RPS6KA2: variants seen among roughly 807,000 people sequenced by gnomAD.
The protein encoded by RPS6KA2 is ribosomal protein S6 kinase alpha-2.
RPS6KA2 carries 42 observed loss-of-function variants against 91.8 expected under a neutral mutation model. The observed-to-expected ratio is 0.46, with a 90% confidence interval of 0.36 to 0.59. The LOEUF (loss-of-function observed/expected upper bound fraction) is 0.59, where lower values mean the gene tolerates loss of function less well. RPS6KA2 is among the 20% of genes least tolerant of loss of function. The pLI is 0.00. For synonymous variants in RPS6KA2, 414 were observed against 393.6 expected (o/e 1.05, Z -0.61); for missense variants, 798 against 978.5 (o/e 0.82, Z 2.46).
intron 1 of RPS6KA2, among the ~76,000 whole-genome samples, chr6:166,572,826 A>G (rs1427304209): frequency 6.6e-6 from 1 of 152,228 alleles, no homozygotes; most frequent in Admixed American, 6.5e-5. Flanking sequence ...AGGGTGTGAG[A>G]CAGAGCAGCT....
Position 166,612,045 on chromosome 6 carries a change from G to A in RPS6KA2, c.99+14876C>T, listed in dbSNP as rs557257852. The stretch of plus-strand genomic sequence containing the variant: ...TCTAATTGCACAGAAGAAATACTGT[G>A]AATGAATAAGGCATCCAACCCATTC... On this transcript the variant is annotated intron_variant, in intron 1 of 20. Coordinates refer to ENST00000265678, the MANE Select transcript of RPS6KA2 (RefSeq NM_021135.6). This position sits in a 1 kb window ranked among gnomAD's most constrained non-coding sequence, Gnocchi z 4.3. Among the ~76,000 whole-genome samples, 1 of 152,334 alleles carries A rather than the reference G, an allele frequency of 6.6e-6. No individual in the cohort carries two copies. Among genetic ancestry groups the A allele is most frequent in the East Asian group, 1.9e-4 (1 of 5,188 alleles).
chr6:166,631,011 T>C (rs1787057456), upstream of RPS6KA2, among the ~76,000 whole-genome samples: 1 of 152,130 alleles, frequency 6.6e-6, no homozygotes, highest in African/African-American at 2.4e-5. Context: ...TCAGAAGGGA[T>C]CAAGTTTGCC....
intron 10 of RPS6KA2, among the ~76,000 whole-genome samples, chr6:166,479,217 G>A (rs977141340): frequency 6.6e-6 from 1 of 152,262 alleles, no homozygotes; most frequent in Admixed American, 6.5e-5. Context: ...ACGAGCATGA[G>A]GGCCACACTT....
In RPS6KA2 at chr6:166,648,700, T is replaced by C. The variant is rs1227490269; in HGVS notation, c.124-109916A>G. 6.6e-6 allele frequency among the ~76,000 whole-genome samples: 1 copy of C among 152,140 alleles called. No homozygotes were observed. Among genetic ancestry groups the C allele is most frequent in the Non-Finnish European group, 1.5e-5 (1 of 68,026 alleles). On this transcript the variant is annotated intron_variant, in intron 2 of 21. Transcript: ENST00000503859. The surrounding 1 kb of genome is among the most constrained non-coding windows in gnomAD (Gnocchi z 4.8). ...CTCCAACTCTCTGCAGCCGACTCCATCTGCGCATCACTCCGATCTGTATTA... is the reference window on the plus strand; with the variant it reads ...CTCCAACTCTCTGCAGCCGACTCCACCTGCGCATCACTCCGATCTGTATTA...
intron 2 of RPS6KA2, among the ~76,000 whole-genome samples, chr6:166,663,601 C>T (rs1006243747): frequency 1.3e-5 from 2 of 152,220 alleles, no homozygotes; most frequent in African/African-American, 2.4e-5. Flanking sequence ...TCCCCAACAG[C>T]GTGGCTTCCT....
At chr6:166,753,896 G>A (rs978981191) in intron 2 of RPS6KA2, among the ~76,000 whole-genome samples, 87 of 152,248 alleles carry the variant, frequency 5.7e-4, no homozygotes, top group African/African-American at 2.0e-3. Context: ...CAAGAGAGAC[G>A]ACTGTCAGAA....
intron 2 of RPS6KA2, among the ~76,000 whole-genome samples, chr6:166,762,408 A>G (rs1475771476): frequency 1.3e-5 from 2 of 152,146 alleles, no homozygotes; most frequent in Non-Finnish European, 2.9e-5. Flanking sequence ...GTGTGTGTGC[A>G]TGTTAAACGG....
chr6:166,690,387 C>T lies in RPS6KA2; in HGVS notation c.124-151603G>A, dbSNP rs1363906242. On this transcript the variant is annotated intron_variant, in intron 2 of 21. Transcript: ENST00000503859. Reference sequence around the variant, plus strand: ...TAGCCCCAGAGGCAATACGGAAATACAGACATGTCAGCACAGAAAGGCAAC... The same window carrying T: ...TAGCCCCAGAGGCAATACGGAAATATAGACATGTCAGCACAGAAAGGCAAC... Among the ~76,000 whole-genome samples the T allele has an allele frequency of 5.3e-5, 8 of 152,260 alleles. No individual in the cohort carries two copies. In the East Asian group the frequency reaches 1.5e-3, roughly 29 times the overall value.
intron 2 of RPS6KA2, among the ~76,000 whole-genome samples, chr6:166,742,000 C>T (rs1351189703): frequency 2.6e-5 from 4 of 152,090 alleles, no homozygotes; most frequent in Non-Finnish European, 4.4e-5. Context: ...TGGTGGCGGG[C>T]GCCTGTAATC....
At chr6:166,575,205 T>C (rs909036015) in intron 1 of RPS6KA2, among the ~76,000 whole-genome samples, 1 of 152,234 alleles carries the variant, frequency 6.6e-6, no homozygotes, top group Non-Finnish European at 1.5e-5. Context: ...TTTCAACACA[T>C]AAAAACTTTG....
chr6:166,829,800 C>T (rs1036439229), intron 2 of RPS6KA2, among the ~76,000 whole-genome samples: 2 of 151,820 alleles, frequency 1.3e-5, no homozygotes, highest in African/African-American at 4.8e-5. Context: ...AATGGAACAC[C>T]GTTCAGCCTT....
chr6:166,651,782 A>G (rs1445069585), intron 2 of RPS6KA2, among the ~76,000 whole-genome samples: 1 of 152,264 alleles, frequency 6.6e-6, no homozygotes, highest in Admixed American at 6.5e-5. Context: ...CAACTCTTCC[A>G]TCTCATACCT....
rs73788300 is a variant in RPS6KA2 at position 166,424,752 on chromosome 6, C to T, written c.1582-1335G>A. Among the ~76,000 whole-genome samples, 1,226 of 152,306 alleles carry T rather than the reference C, an allele frequency of 8.0e-3. 14 individuals are homozygous for T. Among genetic ancestry groups the T allele is most frequent in the African/African-American group, 0.028 (1,181 of 41,552 alleles). ...GGCCCACGTGAACCTCAGGCATCAC[C>T]GTCATCCCTGCCTCAGCGTCCCTGC... On this transcript the variant is annotated intron_variant, in intron 16 of 20. Transcript: ENST00000265678.
rs78580084 is a variant in RPS6KA2 at position 166,437,421 on chromosome 6, C to G, written c.1333-4931G>C. Reference sequence around the variant, plus strand: ...GAACAAGGCCTCCCCTCCAGGCTGACGCTCAAATAATGCTGACGCGCCACG... The same window carrying G: ...GAACAAGGCCTCCCCTCCAGGCTGAGGCTCAAATAATGCTGACGCGCCACG... On this transcript the variant is annotated intron_variant, in intron 14 of 20. Coordinates refer to ENST00000265678, the MANE Select transcript of RPS6KA2 (RefSeq NM_021135.6). The surrounding 1 kb of genome is among the most constrained non-coding windows in gnomAD (Gnocchi z 4.3). 2.8e-3 allele frequency among the ~76,000 whole-genome samples: 429 copies of G among 152,284 alleles called. 5 individuals carry two copies. Among genetic ancestry groups the G allele is most frequent in the African/African-American group, 9.9e-3 (410 of 41,566 alleles).
intron 2 of RPS6KA2, among the ~76,000 whole-genome samples, chr6:166,641,892 T>C (rs1281046407): frequency 2.0e-5 from 3 of 151,592 alleles, no homozygotes; most frequent in Middle Eastern, 6.8e-3. Context: ...TTAGGAAATA[T>C]GGAAGATAGA....
At chr6:166,847,855 A>G (rs1583175918) in intron 2 of RPS6KA2, among the ~76,000 whole-genome samples, 1 of 152,220 alleles carries the variant, frequency 6.6e-6, no homozygotes. Flanking sequence ...GCTTAGATAA[A>G]GAGTTCATGA....
At chr6:166,690,347 C>CT (rs1361642723) in intron 2 of RPS6KA2, among the ~76,000 whole-genome samples, 1 of 152,136 alleles carries the variant, frequency 6.6e-6, no homozygotes, top group Admixed American at 6.5e-5. Flanking sequence ...TGGTCTATTC[C>CT]TTGACAGAGC....
At chr6:166,465,509 T>C (rs1780484080) in intron 11 of RPS6KA2, 1 of 152,286 alleles carries the variant, frequency 6.6e-6, no homozygotes, top group Admixed American at 6.5e-5. Flanking sequence ...GGGGGACCAC[T>C]GGACTCATCC....
At chr6:166,725,419 G>A (rs1445996683) in intron 2 of RPS6KA2, among the ~76,000 whole-genome samples, 2 of 152,192 alleles carry the variant, frequency 1.3e-5, no homozygotes, top group Admixed American at 1.3e-4. Flanking sequence ...GAAGGAAACT[G>A]GTCTACCAGG....
Sources: allele counts gnomAD v4.1 joint callset (sites outside exome capture counted in the v4.1 genomes callset), GRCh38; gene constraint gnomAD v4.1.1; non-coding constraint Gnocchi (gnomAD v3.1); transcripts MANE v1.5; gene names NCBI Gene and HGNC (gene_info 2026-07-23, HGNC 2026-07-21).